Variants in FUNDC2 observed in about 807,000 individuals in gnomAD.
The protein encoded by FUNDC2 is FUN14 domain containing 2, also known as FUN14 domain-containing protein 2.
A neutral mutation model predicts 15.6 loss-of-function variants in FUNDC2; 4 were observed. That is an observed-to-expected ratio of 0.26 (90% CI 0.13 to 0.59). The LOEUF (loss-of-function observed/expected upper bound fraction) is 0.59, where lower values mean the gene tolerates loss of function less well. FUNDC2 is among the 20% of genes least tolerant of loss of function. The pLI is 0.90. For synonymous variants in FUNDC2, 44 were observed against 56.9 expected (o/e 0.77, Z 1.02); for missense variants, 98 against 149.7 (o/e 0.65, Z 1.80).
In FUNDC2 at chrX:155,054,108, G is replaced by A. The variant is rs976155049; in HGVS notation, c.493-487G>A. 33 of 750,302 alleles carry A rather than the reference G, an allele frequency of 4.4e-5. No individual in the cohort carries two copies. The African/African-American group carries it at 6.5e-4, about 15-fold the overall frequency. 61.8% of individuals were successfully genotyped at this position (750,302 alleles called of 1,213,427 possible). The stretch of plus-strand genomic sequence containing the variant: ...AATTTATAGCATCTACCTGGGAGCA[G>A]GTTTCAGGGGGGAATGCATGGATGG... On this transcript the variant is annotated intron_variant, in intron 4 of 4. Transcript: ENST00000369498.
rs782212733 is a variant in FUNDC2, at chrX:155,047,872, T to A, written c.360+1288T>A. Among the ~76,000 whole-genome samples, 16 of 110,947 alleles carry A rather than the reference T, an allele frequency of 1.4e-4. No individual in the cohort carries two copies. In the South Asian group the frequency reaches 5.8e-3, roughly 40 times the overall value. Reference sequence around the variant, plus strand: ...ATCTCCTTTGTTGCCCAAGCCTCACTTTTGTTGGCTGCTTCCCTGTGGGCT... The same window carrying A: ...ATCTCCTTTGTTGCCCAAGCCTCACATTTGTTGGCTGCTTCCCTGTGGGCT... On this transcript the variant is annotated intron_variant, in intron 3 of 4. Transcript: ENST00000369498.
At position 155,026,892 on chromosome X, in the gene FUNDC2, G is replaced by C. The variant is rs1247345602; in HGVS notation, c.-47G>C. On this transcript the variant is annotated 5_prime_UTR_variant, in exon 1 of 5. Coordinates refer to ENST00000369498, the MANE Select transcript of FUNDC2 (RefSeq NM_023934.4). ...ATGTAGCCGCTTGCGGAGACTGCAAGCAGCCGCGGCGCGCCCGGCCCTCCC... is the reference window on the plus strand; with the variant it reads ...ATGTAGCCGCTTGCGGAGACTGCAACCAGCCGCGGCGCGCCCGGCCCTCCC... 7.8e-6 allele frequency: 9 copies of C among 1,160,847 alleles called. No individual in the cohort carries two copies. The South Asian group carries it at 1.7e-4, about 22-fold the overall frequency.
intron 3 of FUNDC2, chrX:155,047,007 C>T: frequency 4.8e-6 from 1 of 210,448 alleles, no homozygotes; most frequent in Non-Finnish European, 8.9e-6. Context: ...CAGATGTCGT[C>T]TGCTGTCTCC....
chrX:155,047,871 C>G (rs1362344639), intron 3 of FUNDC2, among the ~76,000 whole-genome samples: 1 of 110,926 alleles, frequency 9.0e-6, no homozygotes, highest in Non-Finnish European at 1.9e-5. Flanking sequence ...CCAAGCCTCA[C>G]TTTTGTTGGC....
rs1310403561 is a variant in FUNDC2 at position 155,057,463 on chromosome X, G to C, written c.*2791G>C. ...GGTGGTGGGGCGGAAGTTTTTCCTTGGGAAGAGCGTTGTCGCTGTATATGG... is the reference window on the plus strand; with the variant it reads ...GGTGGTGGGGCGGAAGTTTTTCCTTCGGAAGAGCGTTGTCGCTGTATATGG... On this transcript the variant is annotated 3_prime_UTR_variant, in exon 5 of 5. Transcript: ENST00000369498. 1 of 111,987 alleles carries C rather than the reference G, an allele frequency of 8.9e-6. No individual in the cohort carries two copies. The highest frequency in any genetic ancestry group is 1.9e-5 in the Non-Finnish European group (1 of 53,166). The allele number at this position is 111,987 out of a possible 1,213,427, so 9.2% of individuals were successfully genotyped here.
rs1262991755 is a variant in FUNDC2 at position 155,056,204 on chromosome X, C to G, written c.*1532C>G. The G allele has an allele frequency of 8.9e-6, 1 of 111,979 alleles. No homozygotes were observed. The highest frequency in any genetic ancestry group is 1.9e-5 in the Non-Finnish European group (1 of 53,200). 9.2% of individuals were successfully genotyped at this position (111,979 alleles called of 1,213,427 possible). ...TAGAGAATATAGTACAATAATCCCCCTGTGTATCTATCACTCACTCACAAC... is the reference window on the plus strand; with the variant it reads ...TAGAGAATATAGTACAATAATCCCCGTGTGTATCTATCACTCACTCACAAC... On this transcript the variant is annotated 3_prime_UTR_variant, in exon 5 of 5. Transcript: ENST00000369498.
intron 2 of FUNDC2, among the ~76,000 whole-genome samples, chrX:155,037,852 A>G (rs1038291274): frequency 3.6e-5 from 4 of 111,689 alleles, no homozygotes; most frequent in African/African-American, 1.3e-4. Flanking sequence ...TTAGAATCCA[A>G]TTTGACAGTC....
chrX:155,056,007 C>A lies in FUNDC2; in HGVS notation c.*1335C>A, dbSNP rs1054155716. The A allele has an allele frequency of 1.8e-5, 2 of 111,881 alleles. No homozygotes were observed. Among genetic ancestry groups the A allele is most frequent in the Non-Finnish European group, 3.8e-5 (2 of 53,169 alleles). 9.2% of individuals were successfully genotyped at this position (111,881 alleles called of 1,213,427 possible). A position where few individuals can be genotyped will look rare whatever the true frequency, so the allele number is the denominator to read the frequency against. On this transcript the variant is annotated 3_prime_UTR_variant, in exon 5 of 5. Transcript: ENST00000369498. ...TGGATGTGTGGAACTTTACAGAAAC[C>A]ACCTATTTGCGTTTTTCTCCTTACA...
At chrX:155,028,624 G>A (rs2073804282) in intron 1 of FUNDC2, among the ~76,000 whole-genome samples, 2 of 112,114 alleles carry the variant, frequency 1.8e-5, no homozygotes, top group Admixed American at 9.4e-5. Context: ...TAAGGTAGAG[G>A]TTGAGAGTAG....
chrX:155,033,486 G>A lies in FUNDC2; in HGVS notation c.217G>A (p.Glu73Lys). The A allele has an allele frequency of 1.7e-6, 2 of 1,211,462 alleles. No homozygotes were observed. The highest frequency in any genetic ancestry group is 2.2e-6 in the Non-Finnish European group (2 of 894,862). Residue 73 changes from glutamate to lysine, a missense_variant, in exon 2 of 5, where the codon GAA becomes AAA. Coordinates refer to ENST00000369498, the MANE Select transcript of FUNDC2 (RefSeq NM_023934.4). ...QPWWRKLFGQ[E>K]SGPSAEKYSV... ...ATGGTGGCGTAAGCTGTTCGGGCAG[G>A]AATCTGGACCTTCAGCAGAAAAGTA...
chrX:155,034,686 A>T (rs2073825817), intron 2 of FUNDC2, among the ~76,000 whole-genome samples: 1 of 112,247 alleles, frequency 8.9e-6, no homozygotes, highest in South Asian at 3.7e-4. Flanking sequence ...AGGCTATTAA[A>T]TTTTTAAAAA....
In FUNDC2 at chrX:155,056,941, A is replaced by C. The variant is rs2073902569; in HGVS notation, c.*2269A>C. 9.1e-6 allele frequency: 1 copy of C among 110,156 alleles called. No homozygotes were observed. Among genetic ancestry groups the C allele is most frequent in the Non-Finnish European group, 1.9e-5 (1 of 52,079 alleles). The allele number at this position is 110,156 out of a possible 1,213,427, so 9.1% of individuals were successfully genotyped here. ...AGACTGTATTCTGATTGTCTGAATT[A>C]AGATCTGTAGGTAGGTCCCTCCTGA... On this transcript the variant is annotated 3_prime_UTR_variant, in exon 5 of 5. Coordinates refer to ENST00000369498, the MANE Select transcript of FUNDC2 (RefSeq NM_023934.4).
At chrX:155,034,645 G>A (rs2073825622) in intron 2 of FUNDC2, among the ~76,000 whole-genome samples, 1 of 112,046 alleles carries the variant, frequency 8.9e-6, no homozygotes, top group African/African-American at 3.2e-5. Flanking sequence ...AAATGAACCT[G>A]TTGTTCTACA....
intron 1 of FUNDC2, among the ~76,000 whole-genome samples, chrX:155,029,480 G>A (rs868957889): frequency 1.8e-5 from 2 of 111,243 alleles, no homozygotes; most frequent in African/African-American, 6.5e-5. Context: ...TTTGCCGGGC[G>A]TGGTGGCTCA....
In FUNDC2 at chrX:155,059,610, A is replaced by C. The variant is rs1455985644; in HGVS notation, c.*4938A>C. 4 of 111,767 alleles carry C rather than the reference A, an allele frequency of 3.6e-5. No homozygotes were observed. Among genetic ancestry groups the C allele is most frequent in the African/African-American group, 1.3e-4 (4 of 30,694 alleles). 9.2% of individuals were successfully genotyped at this position (111,767 alleles called of 1,213,427 possible). ...TTTTATTTTTTTGTATGTCATAATA[A>C]TACCTAAGAATAAGAAGAGTTAAAT... On this transcript the variant is annotated 3_prime_UTR_variant, in exon 5 of 5. Coordinates refer to ENST00000369498, the MANE Select transcript of FUNDC2 (RefSeq NM_023934.4).
At chrX:155,053,778 A>C in intron 4 of FUNDC2, 1 of 736,879 alleles carries the variant, frequency 1.4e-6, no homozygotes, top group Non-Finnish European at 1.6e-6. Context: ...AGAAATGATC[A>C]GGCCAGGATG....
chrX:155,036,751 G>A (rs1445524888), intron 2 of FUNDC2, among the ~76,000 whole-genome samples: 1 of 110,801 alleles, frequency 9.0e-6, no homozygotes. Flanking sequence ...TTTCTCCACT[G>A]AATTGTCTTT....
intron 1 of FUNDC2, among the ~76,000 whole-genome samples, chrX:155,029,224 TAG>T (rs782357378): frequency 1.8e-5 from 2 of 112,288 alleles, no homozygotes; most frequent in East Asian, 5.6e-4. Context: ...TGTGTGAGTG[TAG>T]AGTCTTCAGA....
At chrX:155,045,855 G>A (rs954546015) in intron 2 of FUNDC2, among the ~76,000 whole-genome samples, 1 of 110,801 alleles carries the variant, frequency 9.0e-6, no homozygotes, top group Admixed American at 9.6e-5. Flanking sequence ...TTTTAGTATC[G>A]GGTGGGGGCA....
Sources: gnomAD v4.1 joint callset for allele counts (sites outside exome capture counted in the v4.1 genomes callset) on GRCh38, gnomAD v4.1.1 for gene constraint, MANE v1.5 for transcripts, NCBI Gene and HGNC (gene_info 2026-07-23, HGNC 2026-07-21) for gene names.